Variants in BRIP1 observed in about 807,000 individuals in gnomAD.
BRIP1 encodes BRCA1 interacting DNA helicase 1.
In BRIP1, 88 loss-of-function variants were observed where a neutral mutation model predicts 119.7. That is an observed-to-expected ratio of 0.74 (90% CI 0.62 to 0.88). BRIP1 has a LOEUF of 0.88. Ranked by LOEUF, BRIP1 falls within the 40% of genes least tolerant of loss-of-function variation. The pLI, the probability that BRIP1 is intolerant of heterozygous loss-of-function variation, is 0.00. For missense variants in BRIP1, 1,259 were observed against 1,455.4 expected, an observed-to-expected ratio of 0.87 and a Z score of 2.20; for synonymous variants, 443 against 496.5, an observed-to-expected ratio of 0.89 and a Z score of 1.43.
chr17:61,861,590 T>C lies in BRIP1; in HGVS notation c.-30-21A>G. On this transcript the variant is annotated intron_variant, in intron 1 of 19. Transcript: ENST00000259008. This position sits in a 1 kb window ranked among gnomAD's most constrained non-coding sequence, Gnocchi z 4.5. Reference sequence around the variant, plus strand: ...CCTAACTACAACAGAAATGAAAATGTCAAATATTGAGACACGCCTTACAAA... The same window carrying C: ...CCTAACTACAACAGAAATGAAAATGCCAAATATTGAGACACGCCTTACAAA... 1.5e-6 allele frequency: 2 copies of C among 1,377,214 alleles called. No individual in the cohort carries two copies. Among genetic ancestry groups the C allele is most frequent in the Non-Finnish European group, 1.0e-6 (1 of 965,446 alleles). The allele number at this position is 1,377,214 out of a possible 1,614,324, so 85.3% of individuals were successfully genotyped here. A position where few individuals can be genotyped will look rare whatever the true frequency, so the allele number is the denominator to read the frequency against.
intron 5 of BRIP1, among the ~76,000 whole-genome samples, chr17:61,847,459 T>C (rs2078752925): frequency 6.6e-6 from 1 of 152,234 alleles, no homozygotes; most frequent in Admixed American, 6.5e-5. Context: ...TAATTAGTGA[T>C]GTATCAAAAT....
Position 61,780,520 on chromosome 17 carries a change from G to C in BRIP1, c.1795-119C>G. ...AAGCAGGAAGATCGCTTGAGTCTAG[G>C]AGTCTGAGACCAGCCTGGGCAATAT... On this transcript the variant is annotated intron_variant, in intron 12 of 19. Transcript: ENST00000259008. This position sits in a 1 kb window ranked among gnomAD's most constrained non-coding sequence, Gnocchi z 5.4. 1.1e-6 allele frequency: 1 copy of C among 944,306 alleles called. No individual in the cohort carries two copies. Among genetic ancestry groups the C allele is most frequent in the Non-Finnish European group, 1.7e-6 (1 of 593,196 alleles). 58.5% of individuals were successfully genotyped at this position (944,306 alleles called of 1,614,324 possible).
In BRIP1 at chr17:61,776,459, A is replaced by G. The variant is rs2077534379; in HGVS notation, c.2039T>C (p.Leu680Ser). 1 of 1,614,166 alleles carries G rather than the reference A, an allele frequency of 6.2e-7. No homozygotes were observed. ...FEFQDEVGAL[L>S]LSVCQTVSQG... Reference sequence around the variant, plus strand: ...GCTCACAGTCTGGCACACAGATAACAAAAGTGCTCCCACTTCATCTTGGAA... The same window carrying G: ...GCTCACAGTCTGGCACACAGATAACGAAAGTGCTCCCACTTCATCTTGGAA... The change falls in exon 14 of 20, where the codon TTG becomes TCG. Residue 680 changes from leucine to serine, a missense_variant. This residue lies in a region of BRIP1 where 753 missense variants were observed against 891.8 expected (regional missense o/e 0.84). Transcript: ENST00000259008. This position sits in a 1 kb window ranked among gnomAD's most constrained non-coding sequence, Gnocchi z 5.0.
Position 61,832,626 on chromosome 17 carries a change from T to C in BRIP1, c.627+14475A>G, listed in dbSNP as rs1469464763. ...AAATTAAGAGACATTCTAGATAAGCTGTAATATTCTGAAGTGTCAAAATCA... is the reference window on the plus strand; with the variant it reads ...AAATTAAGAGACATTCTAGATAAGCCGTAATATTCTGAAGTGTCAAAATCA... On this transcript the variant is annotated intron_variant, in intron 6 of 19. Coordinates refer to ENST00000259008, the MANE Select transcript of BRIP1 (RefSeq NM_032043.3). This position sits in a 1 kb window ranked among gnomAD's most constrained non-coding sequence, Gnocchi z 5.5. Among the ~76,000 whole-genome samples, 1 of 152,112 alleles carries C rather than the reference T, an allele frequency of 6.6e-6. No homozygotes were observed. Among genetic ancestry groups the C allele is most frequent in the Non-Finnish European group, 1.5e-5 (1 of 68,020 alleles).
At position 61,798,886 on chromosome 17, in the gene BRIP1, A is replaced by G. The variant is rs2077941938; in HGVS notation, c.1340+214T>C. Among the ~76,000 whole-genome samples, 1 of 152,096 alleles carries G rather than the reference A, an allele frequency of 6.6e-6. No individual in the cohort carries two copies. Among genetic ancestry groups the G allele is most frequent in the Non-Finnish European group, 1.5e-5 (1 of 67,980 alleles). ...CAAATTAGGAATAAGATTCACAATT[A>G]TTCATTTTTAAAAATCACTTATGTT... On this transcript the variant is annotated intron_variant, in intron 9 of 19. Coordinates refer to ENST00000259008, the MANE Select transcript of BRIP1 (RefSeq NM_032043.3). This position sits in a 1 kb window ranked among gnomAD's most constrained non-coding sequence, Gnocchi z 5.5.
In BRIP1 at chr17:61,853,715, C is replaced by T. The variant is rs992534301; in HGVS notation, c.379+3343G>A. On this transcript the variant is annotated intron_variant, in intron 4 of 19. Coordinates refer to ENST00000259008, the MANE Select transcript of BRIP1 (RefSeq NM_032043.3). The surrounding 1 kb of genome is among the most constrained non-coding windows in gnomAD (Gnocchi z 4.3). ...ACATGCAAAAAAATGAACTTGAATCCATACCTTACACCATATACACATATT... is the reference window on the plus strand; with the variant it reads ...ACATGCAAAAAAATGAACTTGAATCTATACCTTACACCATATACACATATT... Among the ~76,000 whole-genome samples the T allele has an allele frequency of 1.3e-5, 2 of 152,096 alleles. No homozygotes were observed. Among genetic ancestry groups the T allele is most frequent in the Admixed American group, 1.3e-4 (2 of 15,272 alleles).
chr17:61,716,705 G>C, intron 16 of BRIP1, among the ~76,000 whole-genome samples: 1 of 90,420 alleles, frequency 1.1e-5, no homozygotes, highest in Non-Finnish European at 2.4e-5. Context: ...CTACCACCTT[G>C]CTTCCCCCCT....
At chr17:61,749,896 T>C (rs544486721) in intron 14 of BRIP1, among the ~76,000 whole-genome samples, 7 of 152,374 alleles carry the variant, frequency 4.6e-5, no homozygotes, top group African/African-American at 1.7e-4. Flanking sequence ...TTTTGCATAT[T>C]GCAACTTTAC....
At position 61,856,328 on chromosome 17, in the gene BRIP1, T is replaced by A. The variant is rs1267428016; in HGVS notation, c.379+730A>T. Among the ~76,000 whole-genome samples the A allele has an allele frequency of 2.0e-5, 3 of 152,140 alleles. No individual in the cohort carries two copies. Among genetic ancestry groups the A allele is most frequent in the Non-Finnish European group, 1.5e-5 (1 of 68,012 alleles). On this transcript the variant is annotated intron_variant, in intron 4 of 19. Transcript: ENST00000259008. The surrounding 1 kb of genome is among the most constrained non-coding windows in gnomAD (Gnocchi z 5.1). ...TAAGTCAATCATGGCAACCTCTGTCTCCCTGCCAGTGACTGGTAAAGGAAT... is the reference window on the plus strand; with the variant it reads ...TAAGTCAATCATGGCAACCTCTGTCACCCTGCCAGTGACTGGTAAAGGAAT...
intron 14 of BRIP1, among the ~76,000 whole-genome samples, chr17:61,747,247 C>T (rs1376638449): frequency 6.6e-6 from 1 of 151,548 alleles, no homozygotes; most frequent in Non-Finnish European, 1.5e-5. Context: ...CTCAAGTAAC[C>T]CAATTCTACA....
rs1034606441 is a variant in BRIP1 at position 61,700,189 on chromosome 17, A to C, written c.2493-6677T>G. On this transcript the variant is annotated intron_variant, in intron 17 of 19. Coordinates refer to ENST00000259008, the MANE Select transcript of BRIP1 (RefSeq NM_032043.3). This position sits in a 1 kb window ranked among gnomAD's most constrained non-coding sequence, Gnocchi z 4.1. ...ACCACAGATTTACAATTATTGTTTT[A>C]TGCAGTTGCTCTTTTAAAAAATCAA... Among the ~76,000 whole-genome samples the C allele has an allele frequency of 4.6e-5, 7 of 152,192 alleles. No homozygotes were observed. The highest frequency in any genetic ancestry group is 1.4e-4 in the African/African-American group (6 of 41,456).
Position 61,682,034 on chromosome 17 carries a change from G to A in BRIP1, c.*1262C>T. On this transcript the variant is annotated 3_prime_UTR_variant, in exon 20 of 20. Transcript: ENST00000259008. This position sits in a 1 kb window ranked among gnomAD's most constrained non-coding sequence, Gnocchi z 4.9. ...GTATTTTTGGAATGATGTCAGAGAT[G>A]AGCCTCTTTTATAATCATTTTTGAT... is the stretch of plus-strand genomic sequence containing the variant. 4.9e-6 allele frequency: 1 copy of A among 203,580 alleles called. No individual in the cohort carries two copies. Among genetic ancestry groups the A allele is most frequent in the Non-Finnish European group, 1.0e-5 (1 of 99,396 alleles). The allele number at this position is 203,580 out of a possible 1,614,324, so 12.6% of individuals were successfully genotyped here.
intron 16 of BRIP1, among the ~76,000 whole-genome samples, chr17:61,737,202 G>C (rs1176525694): frequency 2.6e-5 from 4 of 152,108 alleles, no homozygotes; most frequent in Non-Finnish European, 5.9e-5. Context: ...TAGCTACATA[G>C]CAAAAGTAAG....
Position 61,743,019 on chromosome 17 carries a change from A to C in BRIP1, c.2373T>G (p.Asp791Glu), listed in dbSNP as rs876659615. 1.9e-6 allele frequency: 3 copies of C among 1,613,894 alleles called. No individual in the cohort carries two copies. The highest frequency in any genetic ancestry group is 2.5e-6 in the Non-Finnish European group (3 of 1,179,920). ...TIGIPFPNVK[D>E]LQVELKRQYN... ...TAAGGTTTTGATGGCCTACCTGTAG[A>C]TCTTTCACATTTGGAAAAGGAATTC... Residue 791 changes from aspartate to glutamate, a missense_variant, in exon 16 of 20, where the codon GAT becomes GAG. By Grantham distance (45) the Asp-to-Glu change is conservative. Transcript: ENST00000259008. The surrounding 1 kb of genome is among the most constrained non-coding windows in gnomAD (Gnocchi z 4.3).
chr17:61,833,467 C>T (rs1201128242), intron 6 of BRIP1, among the ~76,000 whole-genome samples: 5 of 152,142 alleles, frequency 3.3e-5, no homozygotes, highest in South Asian at 4.2e-4. Context: ...GTTGGGAGTT[C>T]GAAACATGCC....
At position 61,834,758 on chromosome 17, in the gene BRIP1, TGA is replaced by T. The variant is rs1220235067; in HGVS notation, c.627+12341_627+12342del. On this transcript the variant is annotated intron_variant, in intron 6 of 19. Transcript: ENST00000259008. This position sits in a 1 kb window ranked among gnomAD's most constrained non-coding sequence, Gnocchi z 4.4. ...AAACCAGAATTAGCCTGCTAGATGA[TGA>T]GAGAGACCCACCTCATGGTCCCAGC... Among the ~76,000 whole-genome samples the T allele has an allele frequency of 6.6e-6, 1 of 152,254 alleles. No individual in the cohort carries two copies. Among genetic ancestry groups the T allele is most frequent in the Middle Eastern group, 3.4e-3 (1 of 294 alleles).
chr17:61,754,899 C>T lies in BRIP1; in HGVS notation c.2098-10308G>A, dbSNP rs1448771112. On this transcript the variant is annotated intron_variant, in intron 14 of 19. Transcript: ENST00000259008. This position sits in a 1 kb window ranked among gnomAD's most constrained non-coding sequence, Gnocchi z 4.1. ...TTACAGCCTCATTTAACCGCAATTA[C>T]TTCCTTAGAGGCCCCATCTCCAAAT... 6.6e-6 allele frequency among the ~76,000 whole-genome samples: 1 copy of T among 152,162 alleles called. No individual in the cohort carries two copies. The highest frequency in any genetic ancestry group is 1.5e-5 in the Non-Finnish European group (1 of 68,030).
chr17:61,702,824 A>G (rs2061634360), intron 17 of BRIP1, among the ~76,000 whole-genome samples: 1 of 149,254 alleles, frequency 6.7e-6, no homozygotes, highest in Non-Finnish European at 1.5e-5. Context: ...TATACACCCA[A>G]TAATGGAATT....
At chr17:61,697,197 C>A (rs1387125242) in intron 17 of BRIP1, among the ~76,000 whole-genome samples, 1 of 149,296 alleles carries the variant, frequency 6.7e-6, no homozygotes, top group Non-Finnish European at 1.5e-5. Flanking sequence ...TGCAGCCGGG[C>A]ATGGTGGCAG....
Sources: allele counts gnomAD v4.1 joint callset (sites outside exome capture counted in the v4.1 genomes callset), GRCh38; gene constraint gnomAD v4.1.1; regional missense constraint gnomAD v4.1.1; non-coding constraint Gnocchi (gnomAD v3.1); transcripts MANE v1.5; gene names NCBI Gene and HGNC (gene_info 2026-07-23, HGNC 2026-07-21).